The following MECOM variants were observed in gnomAD, a reference collection of about 807,000 sequenced individuals.
MECOM encodes histone-lysine N-methyltransferase MECOM.
MECOM carries 13 observed loss-of-function variants against 116.3 expected under a neutral mutation model. The ratio of observed to expected loss-of-function variants is 0.11; its 90% CI spans 0.07 to 0.18. MECOM has a LOEUF of 0.18. Ranked by LOEUF, MECOM falls within the 10% of genes least tolerant of loss-of-function variation. MECOM has a pLI of 1.00. For missense variants in MECOM, 1,299 were observed against 1,509.0 expected, an observed-to-expected ratio of 0.86 and a Z score of 2.31; for synonymous variants, 528 against 535.2, an observed-to-expected ratio of 0.99 and a Z score of 0.19.
intron 2 of MECOM, among the ~76,000 whole-genome samples, chr3:169,293,388 G>A (rs151239057): frequency 2.2e-4 from 34 of 152,268 alleles, no homozygotes; most frequent in Non-Finnish European, 3.7e-4. Context: ...TCATTCATTC[G>A]CACTAGCCTC....
chr3:169,207,792 C>A (rs574546114), intron 2 of MECOM, among the ~76,000 whole-genome samples: 1 of 152,168 alleles, frequency 6.6e-6, no homozygotes, highest in South Asian at 2.1e-4. Flanking sequence ...CAAATGCCAC[C>A]TTGTTGTTCA....
chr3:169,506,304 G>T (rs1379544832), intron 1 of MECOM, among the ~76,000 whole-genome samples: 1 of 152,126 alleles, frequency 6.6e-6, no homozygotes, highest in East Asian at 1.9e-4. Flanking sequence ...CCAAGGAAAT[G>T]ACTATTTGAA....
At chr3:169,302,109 A>G (rs889950284) in intron 2 of MECOM, among the ~76,000 whole-genome samples, 2 of 152,172 alleles carry the variant, frequency 1.3e-5, no homozygotes, top group African/African-American at 4.8e-5. Flanking sequence ...TTTAAACACA[A>G]TTGGGGCCCG....
intron 2 of MECOM, chr3:169,149,731 C>G (rs897208064): frequency 2.2e-6 from 1 of 458,458 alleles, no homozygotes; most frequent in African/African-American, 2.0e-5. Flanking sequence ...TGAACGCTTA[C>G]CCTCCGAGAC....
At position 169,532,991 on chromosome 3, in the gene MECOM, A is replaced by T. The variant is rs531251594; in HGVS notation, c.37+130345T>A. ...AGTATATCCTCTTTTGTTTCTAGAT[A>T]TGAAGAATACATAAAAATGTGATGA... On this transcript the variant is annotated intron_variant, in intron 1 of 16. Coordinates refer to ENST00000651503, the MANE Select transcript of MECOM (RefSeq NM_004991.4). Among the ~76,000 whole-genome samples, 158 of 152,196 alleles carry T rather than the reference A, an allele frequency of 1.0e-3. 8 individuals are homozygous for T. The highest frequency in any genetic ancestry group is 7.4e-4 in the Non-Finnish European group (50 of 68,018).
At chr3:169,600,215 G>T (rs1344064680) in intron 1 of MECOM, among the ~76,000 whole-genome samples, 2 of 151,976 alleles carry the variant, frequency 1.3e-5, no homozygotes, top group Non-Finnish European at 2.9e-5. Flanking sequence ...CATGTGATCT[G>T]CCCACCTCAG....
chr3:169,614,382 C>T (rs1330438583), intron 1 of MECOM, among the ~76,000 whole-genome samples: 6 of 152,028 alleles, frequency 3.9e-5, no homozygotes, highest in African/African-American at 1.2e-4. Context: ...CATGCATATA[C>T]ACCACTGGAT....
intron 3 of MECOM, among the ~76,000 whole-genome samples, chr3:169,136,999 C>T (rs1736558527): frequency 2.0e-5 from 3 of 151,990 alleles, no homozygotes. Flanking sequence ...AAATATACTC[C>T]CAGCAAAATC....
chr3:169,255,662 CA>C (rs1487763699), intron 2 of MECOM, among the ~76,000 whole-genome samples: 1 of 152,168 alleles, frequency 6.6e-6, no homozygotes, highest in African/African-American at 2.4e-5. Flanking sequence ...TTACAATCAT[CA>C]AGTGTTTGCA....
intron 1 of MECOM, among the ~76,000 whole-genome samples, chr3:169,622,452 T>C (rs757456143): frequency 3.3e-5 from 5 of 152,302 alleles, no homozygotes; most frequent in Admixed American, 6.5e-5. Context: ...CTTCCAGCCA[T>C]TGGACTCCAT....
chr3:169,162,033 A>T (rs1410339897), intron 2 of MECOM, among the ~76,000 whole-genome samples: 1 of 152,196 alleles, frequency 6.6e-6, no homozygotes, highest in East Asian at 1.9e-4. Context: ...AGAAACTGAG[A>T]ACACTAAATG....
chr3:169,221,681 T>C (rs1045296121), intron 2 of MECOM, among the ~76,000 whole-genome samples: 1 of 152,102 alleles, frequency 6.6e-6, no homozygotes, highest in Non-Finnish European at 1.5e-5. Context: ...CTCACAACTT[T>C]TGGCTGACGT....
At position 169,110,357 on chromosome 3, in the gene MECOM, C is replaced by A. The variant is rs143568769; in HGVS notation, c.2578-2405G>T. On this transcript the variant is annotated intron_variant, in intron 9 of 16. Coordinates refer to ENST00000651503, the MANE Select transcript of MECOM (RefSeq NM_004991.4). ...AATAAGAGCTCTTCCTCATTTAGGT[C>A]CTTCCACATGCCAAGCACAATGCTA... is the stretch of plus-strand genomic sequence containing the variant. Among the ~76,000 whole-genome samples the A allele has an allele frequency of 1.1e-3, 172 of 152,170 alleles. 2 individuals carry two copies. The East Asian group carries it at 0.031, about 28-fold the overall frequency.
intron 1 of MECOM, among the ~76,000 whole-genome samples, chr3:169,567,933 T>C (rs796543993): frequency 1.4e-3 from 218 of 152,068 alleles, no homozygotes; most frequent in African/African-American, 5.1e-3. Flanking sequence ...AGGGGCAAAA[T>C]GGCTGAATAG....
intron 1 of MECOM, among the ~76,000 whole-genome samples, chr3:169,605,102 G>A (rs986363926): frequency 2.0e-5 from 3 of 152,062 alleles, no homozygotes; most frequent in African/African-American, 4.8e-5. Context: ...TGAGTGGGAG[G>A]TTTAGTCAAT....
intron 2 of MECOM, among the ~76,000 whole-genome samples, chr3:169,260,406 C>T (rs759829050): frequency 2.6e-5 from 4 of 151,402 alleles, no homozygotes; most frequent in African/African-American, 2.4e-5. Flanking sequence ...CTCTGACAGG[C>T]GTTTCTCATT....
intron 2 of MECOM, among the ~76,000 whole-genome samples, chr3:169,198,362 A>G (rs1748709172): frequency 6.6e-6 from 1 of 152,080 alleles, no homozygotes; most frequent in South Asian, 2.1e-4. Context: ...AAAAGTCAGG[A>G]ATAAAAACAG....
At chr3:169,647,961 C>A (rs1260193135) in intron 1 of MECOM, among the ~76,000 whole-genome samples, 2 of 151,874 alleles carry the variant, frequency 1.3e-5, no homozygotes, top group Non-Finnish European at 2.9e-5. Context: ...TTACGGTACC[C>A]AAAATATACT....
At chr3:169,580,137 T>A (rs534608232) in intron 1 of MECOM, among the ~76,000 whole-genome samples, 2 of 152,326 alleles carry the variant, frequency 1.3e-5, no homozygotes. Flanking sequence ...GTAGACTATT[T>A]GTCTATATTT....
Sources: allele counts gnomAD v4.1 joint callset (sites outside exome capture counted in the v4.1 genomes callset), GRCh38; gene constraint gnomAD v4.1.1; transcripts MANE v1.5; gene names NCBI Gene and HGNC (gene_info 2026-07-23, HGNC 2026-07-21).